PRKN: variants seen among roughly 807,000 people sequenced by gnomAD.
The protein encoded by PRKN is E3 ubiquitin-protein ligase parkin.
Under a neutral mutation model 59.5 loss-of-function variants are expected in PRKN, and 56 were observed. The ratio of observed to expected loss-of-function variants is 0.94; its 90% confidence interval spans 0.76 to 1.18. PRKN has a LOEUF of 1.18. Ranked by LOEUF, PRKN falls within the 50% of genes most tolerant of loss-of-function variation. The pLI is 0.00. For synonymous variants in PRKN, 250 were observed against 222.1 expected (o/e 1.13, Z -1.12); for missense variants, 657 against 596.4 (o/e 1.10, Z -1.06).
At chr6:161,558,955 T>G (rs1183275873) in intron 8 of PRKN, among the ~76,000 whole-genome samples, 1 of 150,916 alleles carries the variant, frequency 6.6e-6, no homozygotes, top group Non-Finnish European at 1.5e-5. Context: ...ATGAAGTGAA[T>G]TGGCTAGAGA....
chr6:162,418,737 A>C (rs985566803), intron 2 of PRKN, among the ~76,000 whole-genome samples: 1 of 151,074 alleles, frequency 6.6e-6, no homozygotes, highest in African/African-American at 2.4e-5. Flanking sequence ...GATGGTGTGC[A>C]CGGTTCCTGC....
rs1315689676 is a variant in PRKN, at chr6:161,475,278, T to C, written c.1083+73576A>G. On this transcript the variant is annotated intron_variant, in intron 9 of 11. Transcript: ENST00000366898. The surrounding 1 kb of genome is among the most constrained non-coding windows in gnomAD (Gnocchi z 5.3). ...GAGCTGCCAACTTGGGGGAATGCAG[T>C]CACCTCTTCCCACACTGGTGACCCA... Among the ~76,000 whole-genome samples the C allele has an allele frequency of 2.0e-5, 3 of 152,164 alleles. No homozygotes were observed. Among genetic ancestry groups the C allele is most frequent in the Admixed American group, 6.5e-5 (1 of 15,272 alleles).
chr6:162,493,515 G>T (rs937643327), intron 1 of PRKN, among the ~76,000 whole-genome samples: 1 of 152,100 alleles, frequency 6.6e-6, no homozygotes, highest in Non-Finnish European at 1.5e-5. Flanking sequence ...TCATATTTTA[G>T]ATATAAAAAG....
chr6:162,680,112 T>C (rs1269815973), intron 1 of PRKN, among the ~76,000 whole-genome samples: 2 of 151,850 alleles, frequency 1.3e-5, no homozygotes, highest in African/African-American at 2.4e-5. Context: ...ACACATTTTC[T>C]TTTCTTCCTC....
At chr6:162,113,241 C>T (rs1020722308) in intron 4 of PRKN, among the ~76,000 whole-genome samples, 4 of 152,144 alleles carry the variant, frequency 2.6e-5, no homozygotes, top group African/African-American at 7.2e-5. Flanking sequence ...TAAAAGAATG[C>T]TCAAAGGTCA....
chr6:162,143,473 G>A (rs1008336669), intron 4 of PRKN, among the ~76,000 whole-genome samples: 2 of 152,038 alleles, frequency 1.3e-5, no homozygotes, highest in East Asian at 3.9e-4. Flanking sequence ...GATACATGGC[G>A]GCTTTAGACT....
intron 4 of PRKN, among the ~76,000 whole-genome samples, chr6:162,088,014 A>C (rs1779327043): frequency 6.6e-6 from 1 of 152,162 alleles, no homozygotes; most frequent in African/African-American, 2.4e-5. Flanking sequence ...GCAAAGATAG[A>C]AAGAGATAGA....
intron 1 of PRKN, among the ~76,000 whole-genome samples, chr6:162,488,186 C>T (rs1792645370): frequency 1.3e-5 from 2 of 152,032 alleles, no homozygotes; most frequent in Admixed American, 1.3e-4. Flanking sequence ...GGAAGAATTC[C>T]TGTTACTCTT....
At chr6:162,678,932 G>C (rs1178053381) in intron 1 of PRKN, among the ~76,000 whole-genome samples, 1 of 151,784 alleles carries the variant, frequency 6.6e-6, no homozygotes, top group Non-Finnish European at 1.5e-5. Context: ...CCAGCACCAT[G>C]CTCAGTTAAA....
chr6:162,050,415 T>C (rs754439653), intron 5 of PRKN, among the ~76,000 whole-genome samples: 10 of 152,178 alleles, frequency 6.6e-5, no homozygotes, highest in Admixed American at 2.6e-4. Context: ...AGGTTTTACT[T>C]GTGCCATTTT....
chr6:162,483,679 C>G (rs1792406833), intron 1 of PRKN, among the ~76,000 whole-genome samples: 1 of 152,092 alleles, frequency 6.6e-6, no homozygotes, highest in African/African-American at 2.4e-5. Context: ...TGGAGGCAGT[C>G]TACAATGGTA....
At chr6:162,243,009 T>TA (rs77383917) in intron 3 of PRKN, among the ~76,000 whole-genome samples, 173 of 144,728 alleles carry the variant, frequency 1.2e-3, no homozygotes, top group Admixed American at 1.2e-3. Flanking sequence ...GTTGGTTCCT[T>TA]AAAAAAAAAA....
chr6:161,898,914 C>T (rs187539854), intron 6 of PRKN, among the ~76,000 whole-genome samples: 33 of 152,310 alleles, frequency 2.2e-4, no homozygotes, highest in African/African-American at 7.7e-4. Flanking sequence ...CTAAAAGGCC[C>T]GGAACGCTTA....
At position 161,405,947 on chromosome 6, in the gene PRKN, C is replaced by T. The variant is rs564470986; in HGVS notation, c.1084-19070G>A. Among the ~76,000 whole-genome samples the T allele has an allele frequency of 7.2e-5, 11 of 152,176 alleles. No individual in the cohort carries two copies. Among genetic ancestry groups the T allele is most frequent in the Non-Finnish European group, 4.4e-5 (3 of 68,016 alleles). Reference sequence around the variant, plus strand: ...GGAATGTCAAGTTAATTTCAAGGATCTAAAATAAACATATATCTGACACTG... The same window carrying T: ...GGAATGTCAAGTTAATTTCAAGGATTTAAAATAAACATATATCTGACACTG... On this transcript the variant is annotated intron_variant, in intron 9 of 11. Coordinates refer to ENST00000366898, the MANE Select transcript of PRKN (RefSeq NM_004562.3). This position sits in a 1 kb window ranked among gnomAD's most constrained non-coding sequence, Gnocchi z 5.1.
intron 5 of PRKN, among the ~76,000 whole-genome samples, chr6:162,030,831 G>A (rs1475796210): frequency 1.3e-5 from 2 of 152,114 alleles, no homozygotes; most frequent in South Asian, 2.1e-4. Context: ...GAGAATTAAC[G>A]AAACATCTCT....
chr6:161,857,647 A>G (rs1232530336), intron 6 of PRKN, among the ~76,000 whole-genome samples: 1 of 152,252 alleles, frequency 6.6e-6, no homozygotes, highest in African/African-American at 2.4e-5. Context: ...CACAGCTCAC[A>G]TAAGCAGAAT....
chr6:162,293,635 G>C (rs532901266), intron 2 of PRKN, among the ~76,000 whole-genome samples: 1 of 152,200 alleles, frequency 6.6e-6, no homozygotes, highest in South Asian at 2.1e-4. Context: ...GGATGACTCA[G>C]AGATGGGGAC....
intron 10 of PRKN, among the ~76,000 whole-genome samples, chr6:161,380,585 G>A (rs371042773): frequency 6.6e-6 from 1 of 151,752 alleles, no homozygotes; most frequent in African/African-American, 2.4e-5. Context: ...AGTACTATGC[G>A]TGGTAATAAA....
At chr6:162,519,973 A>C (rs1778020858) in intron 1 of PRKN, among the ~76,000 whole-genome samples, 1 of 152,206 alleles carries the variant, frequency 6.6e-6, no homozygotes, top group Admixed American at 6.5e-5. Flanking sequence ...CTGATGGTTG[A>C]GCACAGTGGC....
Sources: allele counts gnomAD v4.1 joint callset (sites outside exome capture counted in the v4.1 genomes callset), GRCh38; gene constraint gnomAD v4.1.1; non-coding constraint Gnocchi (gnomAD v3.1); transcripts MANE v1.5; gene names NCBI Gene and HGNC (gene_info 2026-07-23, HGNC 2026-07-21).